Variants in ERC2 observed in about 807,000 individuals in gnomAD.
ERC2 encodes the protein ERC protein 2.
A neutral mutation model predicts 114.8 loss-of-function variants in ERC2; 42 were observed. The observed-to-expected ratio is 0.37, with a 90% CI of 0.29 to 0.47. ERC2 has a LOEUF of 0.47. Ranked by LOEUF, ERC2 falls within the 20% of genes least tolerant of loss-of-function variation. ERC2 has a pLI of 0.99. For synonymous variants in ERC2, 454 were observed against 425.5 expected, an observed-to-expected ratio of 1.07 and a Z score of -0.82; for missense variants, 939 against 1,150.7, an observed-to-expected ratio of 0.82 and a Z score of 2.66.
chr3:55,988,899 G>T (rs2070837308), intron 11 of ERC2, among the ~76,000 whole-genome samples: 1 of 152,250 alleles, frequency 6.6e-6, no homozygotes, highest in East Asian at 1.9e-4. Flanking sequence ...GAAAAAGGTT[G>T]CTTGACAACT....
intron 1 of ERC2, among the ~76,000 whole-genome samples, chr3:56,440,428 G>C (rs2062239151): frequency 6.6e-6 from 1 of 151,910 alleles, no homozygotes; most frequent in African/African-American, 2.4e-5. Flanking sequence ...GGCGCATGTA[G>C]TCCCAGCTAC....
At chr3:55,550,893 G>A (rs80053283) in intron 17 of ERC2, among the ~76,000 whole-genome samples, 2 of 151,714 alleles carry the variant, frequency 1.3e-5, no homozygotes, top group East Asian at 1.9e-4. Context: ...GTGGGTGCCT[G>A]TAGTCCCAGC....
At position 55,508,736 on chromosome 3, in the gene ERC2, A is replaced by G. The variant is rs1356516461; in HGVS notation, c.*2580T>C. ...AAAAGTAAATTGAAACCCACTTTCA[A>G]ATGAAAGTTGACACGCTGTTAACGT... On this transcript the variant is annotated 3_prime_UTR_variant, in exon 18 of 18. Coordinates refer to ENST00000288221, the MANE Select transcript of ERC2 (RefSeq NM_015576.3). 3 of 152,588 alleles carry G rather than the reference A, an allele frequency of 2.0e-5. No homozygotes were observed. The East Asian group carries it at 5.8e-4, about 29-fold the overall frequency. 9.5% of individuals were successfully genotyped at this position (152,588 alleles called of 1,614,324 possible).
At chr3:56,464,740 C>G (rs2063465210) in intron 1 of ERC2, among the ~76,000 whole-genome samples, 1 of 152,214 alleles carries the variant, frequency 6.6e-6, no homozygotes, top group Non-Finnish European at 1.5e-5. Flanking sequence ...TTCCATTCAT[C>G]CTATCTTTCT....
chr3:56,005,007 C>G (rs745398188), intron 10 of ERC2, among the ~76,000 whole-genome samples: 2 of 151,672 alleles, frequency 1.3e-5, no homozygotes, highest in Non-Finnish European at 1.5e-5. Flanking sequence ...TTTTACGGAA[C>G]TATTTATTAG....
In ERC2 at chr3:55,619,342, G is replaced by A. The variant is rs150812679; in HGVS notation, c.*39+64452C>T. 7.9e-5 allele frequency among the ~76,000 whole-genome samples: 12 copies of A among 152,284 alleles called. No homozygotes were observed. In the East Asian group the frequency reaches 1.2e-3, roughly 15 times the overall value. Reference sequence around the variant, plus strand: ...CAAGGCAAATGCTAGGTTGCGTTACGCTCAAATGTAAAAGCAGGGTTCCAA... The same window carrying A: ...CAAGGCAAATGCTAGGTTGCGTTACACTCAAATGTAAAAGCAGGGTTCCAA... On this transcript the variant is annotated intron_variant, in intron 17 of 17. Coordinates refer to ENST00000288221, the MANE Select transcript of ERC2 (RefSeq NM_015576.3).
At chr3:55,743,510 A>G (rs1051258249) in intron 14 of ERC2, among the ~76,000 whole-genome samples, 9 of 149,014 alleles carry the variant, frequency 6.0e-5, no homozygotes, top group Non-Finnish European at 1.0e-4. Flanking sequence ...TAAAAAGGCA[A>G]TGAAGGATGG....
At chr3:55,925,178 G>A (rs138381568) in intron 13 of ERC2, among the ~76,000 whole-genome samples, 139 of 152,272 alleles carry the variant, frequency 9.1e-4, no homozygotes, top group East Asian at 3.1e-3. Context: ...GCAGATTCTC[G>A]TGCAAAATGG....
At chr3:56,289,443 C>T (rs527898764) in intron 3 of ERC2, among the ~76,000 whole-genome samples, 5 of 152,320 alleles carry the variant, frequency 3.3e-5, no homozygotes, top group Admixed American at 6.5e-5. Context: ...ATGCCATTCT[C>T]CAGGTCAAAT....
At chr3:56,293,279 T>C (rs530944176) in intron 3 of ERC2, among the ~76,000 whole-genome samples, 16 of 152,294 alleles carry the variant, frequency 1.1e-4, no homozygotes, top group Non-Finnish European at 1.9e-4. Flanking sequence ...TCCCAATAAG[T>C]AACATTATGA....
At chr3:55,684,205 G>A (rs2062209518) in intron 16 of ERC2, among the ~76,000 whole-genome samples, 1 of 152,064 alleles carries the variant, frequency 6.6e-6, no homozygotes, top group South Asian at 2.1e-4. Flanking sequence ...TATGCCTAAG[G>A]AGTAGATTAA....
At chr3:56,349,059 T>TA (rs1237743299) in intron 2 of ERC2, among the ~76,000 whole-genome samples, 2 of 152,264 alleles carry the variant, frequency 1.3e-5, no homozygotes, top group Non-Finnish European at 2.9e-5. Context: ...TGATTCAACT[T>TA]AAAAAAATTA....
intron 13 of ERC2, among the ~76,000 whole-genome samples, chr3:55,919,925 G>A (rs745454697): frequency 1.4e-4 from 21 of 152,158 alleles, no homozygotes; most frequent in Non-Finnish European, 2.6e-4. Context: ...CCTAATAAGT[G>A]AAGTTAATGA....
chr3:55,511,653 A>G (rs1158361833), intron 17 of ERC2, among the ~76,000 whole-genome samples: 2 of 152,352 alleles, frequency 1.3e-5, no homozygotes, highest in East Asian at 3.9e-4. Context: ...TTCTACAATG[A>G]TGATGTTTTT....
intron 17 of ERC2, among the ~76,000 whole-genome samples, chr3:55,572,238 G>A (rs966619694): frequency 6.6e-6 from 1 of 152,154 alleles, no homozygotes; most frequent in African/African-American, 2.4e-5. Context: ...AAGTGGCCTG[G>A]GAGACAGGCA....
intron 17 of ERC2, among the ~76,000 whole-genome samples, chr3:55,527,449 A>G (rs757339966): frequency 3.3e-5 from 5 of 152,194 alleles, no homozygotes; most frequent in Non-Finnish European, 2.9e-5. Flanking sequence ...AAAGGATGAG[A>G]GAAGAGAACG....
At position 56,090,442 on chromosome 3, in the gene ERC2, ACAGT is replaced by A. The variant is rs1474661991; in HGVS notation, c.1474-9462_1474-9459del. ...GTTAGGGATATAGCCTTTTAACAAG[ACAGT>A]CAGGTTTGTGATTTATTGAAACATA... is the stretch of plus-strand genomic sequence containing the variant. On this transcript the variant is annotated intron_variant, in intron 6 of 17. Coordinates refer to ENST00000288221, the MANE Select transcript of ERC2 (RefSeq NM_015576.3). Among the ~76,000 whole-genome samples the A allele has an allele frequency of 4.6e-5, 7 of 152,302 alleles. No homozygotes were observed. In the South Asian group the frequency reaches 1.5e-3, roughly 32 times the overall value.
At chr3:55,527,311 G>A (rs112906023) in intron 17 of ERC2, among the ~76,000 whole-genome samples, 4 of 152,302 alleles carry the variant, frequency 2.6e-5, no homozygotes, top group African/African-American at 9.6e-5. Context: ...ACATGTTAGT[G>A]CTTAGTGGGG....
At chr3:56,085,676 T>C (rs1341536671) in intron 6 of ERC2, among the ~76,000 whole-genome samples, 1 of 152,212 alleles carries the variant, frequency 6.6e-6, no homozygotes, top group African/African-American at 2.4e-5. Flanking sequence ...GTTTTCATTA[T>C]ATCTGGTGAA....
Sources: allele counts gnomAD v4.1 joint callset (sites outside exome capture counted in the v4.1 genomes callset), GRCh38; gene constraint gnomAD v4.1.1; transcripts MANE v1.5; gene names NCBI Gene and HGNC (gene_info 2026-07-23, HGNC 2026-07-21).